Variants in ADAMTS13 observed in about 807,000 individuals in gnomAD.
ADAMTS13 encodes ADAM metallopeptidase with thrombospondin type 1 motif 13.
ADAMTS13 carries 110 observed loss-of-function variants against 155.1 expected under a neutral mutation model. The ratio of observed to expected loss-of-function variants is 0.71; its 90% CI spans 0.61 to 0.83. ADAMTS13 has a LOEUF of 0.83. Among genes scored for constraint, ADAMTS13 ranks in the 40% least tolerant of loss-of-function variants. The pLI is 0.00. For missense variants in ADAMTS13, 1,707 were observed against 1,891.7 expected, an observed-to-expected ratio of 0.90 and a Z score of 1.81; for synonymous variants, 758 against 756.4, an observed-to-expected ratio of 1.00 and a Z score of -0.03.
Position 133,440,297 on chromosome 9 carries a change from G to A in ADAMTS13, c.1787-47G>A. 6.2e-7 allele frequency: 1 copy of A among 1,611,104 alleles called. No homozygotes were observed. The highest frequency in any genetic ancestry group is 8.5e-7 in the Non-Finnish European group (1 of 1,178,366). ...GTCACTGACATGTGCCTGTGAGGAG[G>A]ATGGGTGCTCAGCTCCACACAGCTA... On this transcript the variant is annotated intron_variant, in intron 15 of 28. Transcript: ENST00000355699. This position sits in a 1 kb window ranked among gnomAD's most constrained non-coding sequence, Gnocchi z 4.3.
In ADAMTS13 at chr9:133,440,523, C is replaced by A; in HGVS notation, c.1966C>A (p.Gln656Lys). 6.2e-7 allele frequency: 1 copy of A among 1,600,212 alleles called. No homozygotes were observed. Among genetic ancestry groups the A allele is most frequent in the Non-Finnish European group, 8.5e-7 (1 of 1,171,422 alleles). ...WGPLQEDADI[Q>K]VYRRYGEEYG... ...ACCCCTCCAGGAAGATGCTGACATC[C>A]AGGTCAGCAGGAGAGCCTGGGGGAG... The change falls in exon 16 of 29, where the codon CAG (glutamine) becomes AAG (lysine). Residue 656 changes from glutamine (Q) to lysine (K), a missense_variant and splice_region_variant. Coordinates refer to ENST00000355699, the MANE Select transcript of ADAMTS13 (RefSeq NM_139027.6). This position sits in a 1 kb window ranked among gnomAD's most constrained non-coding sequence, Gnocchi z 4.3.
In ADAMTS13 at chr9:133,445,076, G is replaced by A. The variant is rs781807403; in HGVS notation, c.2610+24G>A. ...ATGTGAGTGCCCTGGGCATGAGGGT[G>A]GCTGGGGCTGTTGAGTCCTTTACCT... On this transcript the variant is annotated intron_variant, in intron 20 of 28. Coordinates refer to ENST00000355699, the MANE Select transcript of ADAMTS13 (RefSeq NM_139027.6). This position sits in a 1 kb window ranked among gnomAD's most constrained non-coding sequence, Gnocchi z 5.0. 1.2e-6 allele frequency: 2 copies of A among 1,608,508 alleles called. No homozygotes were observed. Among genetic ancestry groups the A allele is most frequent in the Non-Finnish European group, 1.7e-6 (2 of 1,178,676 alleles).
At chr9:133,417,482 T>A (rs587763019), upstream of ADAMTS13, 1,373 of 872,586 alleles carry the variant, frequency 1.6e-3, 6 homozygotes, top group Middle Eastern at 2.4e-3. Flanking sequence ...AGGCCACCTT[T>A]CTTGTGAAAA....
At position 133,428,657 on chromosome 9, in the gene ADAMTS13, C is replaced by T; in HGVS notation, c.710C>T (p.Ala237Val). ...AGCTTCGGCCTGGAGCACGACGGCG[C>T]GCCCGGCAGCGGCTGCGGCCCCAGC... Reference protein sequence around the residue: ...GHSFGLEHDGAPGSGCGPSGH... With the variant: ...GHSFGLEHDGVPGSGCGPSGH... The change falls in exon 7 of 29, where the codon GCG (alanine) becomes GTG (valine). Residue 237 changes from alanine to valine, a missense_variant. Around this residue, in one of 3 missense-constraint regions of ADAMTS13, gnomAD observed 733 missense variants for 749.6 expected, o/e 0.98. Coordinates refer to ENST00000355699, the MANE Select transcript of ADAMTS13 (RefSeq NM_139027.6). 1 of 1,352,070 alleles carries T rather than the reference C, an allele frequency of 7.4e-7. No homozygotes were observed. Among genetic ancestry groups the T allele is most frequent in the Non-Finnish European group, 9.5e-7 (1 of 1,047,858 alleles). 83.8% of individuals were successfully genotyped at this position (1,352,070 alleles called of 1,614,324 possible).
At chr9:133,435,576 CT>C (rs1376239408) in intron 11 of ADAMTS13, among the ~76,000 whole-genome samples, 3 of 149,938 alleles carry the variant, frequency 2.0e-5, no homozygotes, top group Admixed American at 1.3e-4. Context: ...GTCGCCCAAG[CT>C]GGAGTGCGGT....
chr9:133,449,356 T>A (rs895067453), intron 22 of ADAMTS13, among the ~76,000 whole-genome samples: 3 of 142,534 alleles, frequency 2.1e-5, no homozygotes, highest in African/African-American at 7.9e-5. Context: ...GGGGGACAGA[T>A]AATAATAGGA....
chr9:133,455,075 C>G (rs1457682544), intron 24 of ADAMTS13, among the ~76,000 whole-genome samples: 1 of 152,146 alleles, frequency 6.6e-6, no homozygotes, highest in Admixed American at 6.5e-5. Flanking sequence ...GTGACAGGGA[C>G]CCAGACTTGA....
At chr9:133,439,536 C>G in intron 15 of ADAMTS13, 90 bp downstream of exon 15, 1 of 1,225,958 alleles carries the variant, frequency 8.2e-7, no homozygotes, top group Non-Finnish European at 1.2e-6. Context: ...TGACATCACC[C>G]GCAAGTTCAG....
chr9:133,424,552 C>T lies in ADAMTS13; in HGVS notation c.330+74C>T, dbSNP rs1840157417. 6.4e-7 allele frequency: 1 copy of T among 1,555,392 alleles called. No homozygotes were observed. The highest frequency in any genetic ancestry group is 8.7e-7 in the Non-Finnish European group (1 of 1,148,524). ...GACCAATGTCTGTGGGCTGGTGTAT[C>T]TGGTAGTCTGAATACAGTGGGTTAA... On this transcript the variant is annotated intron_variant, in intron 3 of 28. Transcript: ENST00000355699. This position sits in a 1 kb window ranked among gnomAD's most constrained non-coding sequence, Gnocchi z 4.3.
chr9:133,423,613 C>A (rs1212299045), intron 2 of ADAMTS13, among the ~76,000 whole-genome samples: 1 of 152,236 alleles, frequency 6.6e-6, no homozygotes, highest in Non-Finnish European at 1.5e-5. Context: ...TGTCTGTGAC[C>A]TTCTCCGGTG....
Position 133,439,438 on chromosome 9 carries a change from C to T in ADAMTS13, c.1778C>T (p.Thr593Ile). 6.2e-7 allele frequency: 1 copy of T among 1,613,940 alleles called. No homozygotes were observed. The highest frequency in any genetic ancestry group is 8.5e-7 in the Non-Finnish European group (1 of 1,179,778). ...ATTGCCAACCACAGGCCTCTCTTCA[C>T]ACACTTGGGTGAGTTGACTGGAGGA... ...VYIANHRPLF[T>I]HLAVRIGGRY... Residue 593 changes from threonine to isoleucine, a missense_variant, in exon 15 of 29, where the codon ACA (threonine) becomes ATA (isoleucine). By Grantham distance (89) the Thr-to-Ile change is moderately conservative. Coordinates refer to ENST00000355699, the MANE Select transcript of ADAMTS13 (RefSeq NM_139027.6).
intron 23 of ADAMTS13, among the ~76,000 whole-genome samples, chr9:133,450,581 A>AG (rs1348514569): frequency 2.0e-5 from 3 of 151,572 alleles, no homozygotes; most frequent in South Asian, 2.1e-4. Context: ...AAAAAAAAAA[A>AG]AAAGAAAACC....
intron 8 of ADAMTS13, among the ~76,000 whole-genome samples, chr9:133,431,797 G>C (rs1241176159): frequency 2.0e-5 from 3 of 152,164 alleles, no homozygotes; most frequent in Non-Finnish European, 4.4e-5. Context: ...TGGGACTACA[G>C]GTGCCTGCCA....
At chr9:133,429,213 C>G (rs1037977148) in intron 7 of ADAMTS13, among the ~76,000 whole-genome samples, 2 of 109,256 alleles carry the variant, frequency 1.8e-5, no homozygotes, top group African/African-American at 7.4e-5. Flanking sequence ...TGCACCTCCC[C>G]CCGTGCTGTC....
chr9:133,443,963 C>A (rs946898255), intron 19 of ADAMTS13, among the ~76,000 whole-genome samples: 22 of 152,164 alleles, frequency 1.4e-4, no homozygotes, highest in Non-Finnish European at 2.9e-4. Context: ...TCCTGCCCTG[C>A]CACTAACGAG....
In ADAMTS13 at chr9:133,456,355, G is replaced by C. The variant is rs996659513; in HGVS notation, c.3547+140G>C. 1.4e-6 allele frequency: 2 copies of C among 1,447,374 alleles called. No homozygotes were observed. Among genetic ancestry groups the C allele is most frequent in the Non-Finnish European group, 1.9e-6 (2 of 1,057,562 alleles). 89.7% of individuals were successfully genotyped at this position (1,447,374 alleles called of 1,614,324 possible). On this transcript the variant is annotated intron_variant, in intron 26 of 28. Coordinates refer to ENST00000355699, the MANE Select transcript of ADAMTS13 (RefSeq NM_139027.6). This position sits in a 1 kb window ranked among gnomAD's most constrained non-coding sequence, Gnocchi z 4.4. ...GCATCCCATCTCATGACTGGGGAGT[G>C]ATGATCTGCATTTTACAGATGAGGA...
chr9:133,438,306 G>A lies in ADAMTS13; in HGVS notation c.1645G>A (p.Gly549Ser), dbSNP rs1841402942. Residue 549 changes from glycine to serine, a missense_variant, in exon 14 of 29, where the codon GGT becomes AGT. Transcript: ENST00000355699. ...QQVWDRCQVC[G>S]GDNSTCSPRK... The stretch of plus-strand genomic sequence containing the variant: ...GGTATGGGACAGGTGCCAGGTGTGT[G>A]GTGGGGACAACAGCACGTGCAGCCC... The A allele has an allele frequency of 3.1e-6, 5 of 1,614,164 alleles. No individual in the cohort carries two copies. Among genetic ancestry groups the A allele is most frequent in the Non-Finnish European group, 4.2e-6 (5 of 1,180,030 alleles).
In ADAMTS13 at chr9:133,440,424, G is replaced by A. The variant is rs1841581998; in HGVS notation, c.1867G>A (p.Asp623Asn). The A allele has an allele frequency of 2.5e-6, 4 of 1,613,902 alleles. No homozygotes were observed. The highest frequency in any genetic ancestry group is 3.4e-6 in the Non-Finnish European group (4 of 1,179,994). ...PNTTYPSLLEDGRVEYRVALT... is the reference protein window; with the variant it reads ...PNTTYPSLLENGRVEYRVALT... ...CACCACCTACCCCTCCCTCCTGGAG[G>A]ATGGTCGTGTCGAGTACAGAGTGGC... is the stretch of plus-strand genomic sequence containing the variant. The change falls in exon 16 of 29, where the codon GAT (aspartate) becomes AAT (asparagine). Residue 623 changes from aspartate to asparagine, a missense_variant. Asp to Asn is a conservative substitution (Grantham distance 23). Around this residue, in one of 3 missense-constraint regions of ADAMTS13, gnomAD observed 961 missense variants for 1,107.9 expected, o/e 0.87. Transcript: ENST00000355699. The surrounding 1 kb of genome is among the most constrained non-coding windows in gnomAD (Gnocchi z 4.3).
chr9:133,442,107 C>A (rs1841712359), intron 16 of ADAMTS13, among the ~76,000 whole-genome samples: 1 of 152,126 alleles, frequency 6.6e-6, no homozygotes, highest in African/African-American at 2.4e-5. Context: ...GTGATTGCTT[C>A]CCGTTATTTT....
Sources: allele counts gnomAD v4.1 joint callset (sites outside exome capture counted in the v4.1 genomes callset), GRCh38; gene constraint gnomAD v4.1.1; regional missense constraint gnomAD v4.1.1; non-coding constraint Gnocchi (gnomAD v3.1); transcripts MANE v1.5; gene names NCBI Gene and HGNC (gene_info 2026-07-23, HGNC 2026-07-21).